UGGT2: variants seen among roughly 807,000 people sequenced by gnomAD.
UGGT2 encodes the protein UDP-glucose:glycoprotein glucosyltransferase 2.
A neutral mutation model predicts 192.1 loss-of-function variants in UGGT2; 180 were observed. That is an observed-to-expected ratio of 0.94 (90% CI 0.83 to 1.06). UGGT2 has a LOEUF of 1.06. Ranked by LOEUF, UGGT2 falls within the 50% of genes least tolerant of loss-of-function variation. The pLI is 0.00. For missense variants in UGGT2, 1,849 were observed against 1,795.7 expected, an observed-to-expected ratio of 1.03 and a Z score of -0.54; for synonymous variants, 580 against 591.0, an observed-to-expected ratio of 0.98 and a Z score of 0.27.
intron 17 of UGGT2, among the ~76,000 whole-genome samples, chr13:95,928,549 C>A (rs1345440295): frequency 1.3e-5 from 2 of 151,990 alleles, no homozygotes; most frequent in African/African-American, 4.8e-5. Context: ...CTCCTCAGTT[C>A]CCAGACGGGG....
At position 95,900,799 on chromosome 13, in the gene UGGT2, C is replaced by T. The variant is rs758415081; in HGVS notation, c.2634+8G>A. The T allele has an allele frequency of 6.2e-7, 1 of 1,602,304 alleles. No individual in the cohort carries two copies. Among genetic ancestry groups the T allele is most frequent in the South Asian group, 1.1e-5 (1 of 89,122 alleles). On this transcript the variant is annotated splice_region_variant and intron_variant, in intron 22 of 38. Coordinates refer to ENST00000376747, the MANE Select transcript of UGGT2 (RefSeq NM_020121.4). ...TGAGAAAAGAGAGCAATAGCTTTTTCTACTTACTCTCCCATTGCTGACAAT... is the reference window on the plus strand; with the variant it reads ...TGAGAAAAGAGAGCAATAGCTTTTTTTACTTACTCTCCCATTGCTGACAAT...
Position 95,859,485 on chromosome 13 carries a change from T to C in UGGT2, c.3825+106A>G. ...ACATAAAAATACTAAATACCATTTT[T>C]TCAAAAAGCTTATTCTGAAAAGAGA... On this transcript the variant is annotated intron_variant, in intron 33 of 38. Coordinates refer to ENST00000376747, the MANE Select transcript of UGGT2 (RefSeq NM_020121.4). 5.3e-6 allele frequency: 5 copies of C among 947,322 alleles called. No individual in the cohort carries two copies. The South Asian group carries it at 8.7e-5, about 16-fold the overall frequency. The allele number at this position is 947,322 out of a possible 1,614,324, so 58.7% of individuals were successfully genotyped here. A position where few individuals can be genotyped will look rare whatever the true frequency, so the allele number is the denominator to read the frequency against.
intron 12 of UGGT2, among the ~76,000 whole-genome samples, chr13:95,950,750 G>A (rs1018982040): frequency 1.1e-4 from 16 of 151,768 alleles, no homozygotes; most frequent in Admixed American, 7.9e-4. Context: ...AGATATTTAA[G>A]GTTTTTAAAA....
chr13:95,854,681 C>T (rs1889404505), intron 34 of UGGT2, among the ~76,000 whole-genome samples: 3 of 152,000 alleles, frequency 2.0e-5, no homozygotes, highest in Admixed American at 2.0e-4. Context: ...ATTTATATTC[C>T]TAGTCTTTAA....
At position 95,983,909 on chromosome 13, in the gene UGGT2, T is replaced by C. The variant is rs368893312; in HGVS notation, c.1032-45A>G. 8 of 1,364,188 alleles carry C rather than the reference T, an allele frequency of 5.9e-6. No homozygotes were observed. The African/African-American group carries it at 1.2e-4, about 20-fold the overall frequency. The allele number at this position is 1,364,188 out of a possible 1,614,324, so 84.5% of individuals were successfully genotyped here. On this transcript the variant is annotated intron_variant, in intron 9 of 38. Transcript: ENST00000376747. ...TATAATTGATCCTTCCTTAAATGTT[T>C]AGAACTGATCTATATAACCCAATGT...
In UGGT2 at chr13:96,010,990, G is replaced by A. The variant is rs558076785; in HGVS notation, c.660+2317C>T. On this transcript the variant is annotated intron_variant, in intron 5 of 38. Transcript: ENST00000376747. Reference sequence around the variant, plus strand: ...ATACAGTCAATTATATTTTACAAGTGGATAAAGGAAATTCAATGGAGAAGG... The same window carrying A: ...ATACAGTCAATTATATTTTACAAGTAGATAAAGGAAATTCAATGGAGAAGG... Among the ~76,000 whole-genome samples, 4 of 152,054 alleles carry A rather than the reference G, an allele frequency of 2.6e-5. 1 individual carries two copies. The highest frequency in any genetic ancestry group is 2.1e-4 in the South Asian group (1 of 4,812).
At chr13:95,925,563 C>A in intron 20 of UGGT2, 117 bp downstream of exon 20, 1 of 699,220 alleles carries the variant, frequency 1.4e-6, no homozygotes, top group Non-Finnish European at 2.1e-6. Flanking sequence ...TGAATTCCTT[C>A]GTCTACTTAA....
At chr13:95,835,318 C>T (rs1297533502) in intron 37 of UGGT2, among the ~76,000 whole-genome samples, 1 of 152,046 alleles carries the variant, frequency 6.6e-6, no homozygotes, top group African/African-American at 2.4e-5. Flanking sequence ...GAGTATGAAG[C>T]CACTGAATTT....
chr13:95,867,471 A>AATT, intron 29 of UGGT2, 48 bp from the exon 30 acceptor site: 1 of 1,445,320 alleles, frequency 6.9e-7, no homozygotes, highest in Non-Finnish European at 9.6e-7. Flanking sequence ...ATAGACATAC[A>AATT]ATTATGATGG....
At chr13:95,825,451 A>T (rs1010825407) in intron 38 of UGGT2, among the ~76,000 whole-genome samples, 6 of 152,008 alleles carry the variant, frequency 3.9e-5, no homozygotes, top group African/African-American at 1.4e-4. Context: ...CAACTCCCAG[A>T]CTCACTCTTA....
intron 21 of UGGT2, 34 bp from the exon 22 acceptor site, chr13:95,900,972 T>A (rs1310019725): frequency 1.4e-6 from 2 of 1,448,548 alleles, no homozygotes; most frequent in Admixed American, 2.4e-5. Context: ...GAAACTAATA[T>A]GAGAACAGTA....
intron 27 of UGGT2, among the ~76,000 whole-genome samples, chr13:95,882,923 A>T (rs917009528): frequency 6.6e-6 from 1 of 152,200 alleles, no homozygotes; most frequent in Non-Finnish European, 1.5e-5. Flanking sequence ...GAAGAATTCC[A>T]GACTCTATTA....
chr13:95,836,500 T>C (rs1252584209), intron 37 of UGGT2, among the ~76,000 whole-genome samples: 1 of 152,210 alleles, frequency 6.6e-6, no homozygotes, highest in Admixed American at 6.5e-5. Context: ...CATTCCTTTA[T>C]AAGAGTAACT....
rs1174538500 is a variant in UGGT2, at chr13:95,985,706, A to G, written c.1031+627T>C. ...TCCCTAACCAGAATACAATTGCATC[A>G]AAGTTGTGTTATATAGCAAATTCTC... On this transcript the variant is annotated intron_variant, in intron 9 of 38. Coordinates refer to ENST00000376747, the MANE Select transcript of UGGT2 (RefSeq NM_020121.4). Among the ~76,000 whole-genome samples, 7 of 152,312 alleles carry G rather than the reference A, an allele frequency of 4.6e-5. No individual in the cohort carries two copies. The East Asian group carries it at 1.3e-3, about 29-fold the overall frequency.
chr13:95,802,884 A>T (rs1162382231), intron 38 of UGGT2, among the ~76,000 whole-genome samples: 2 of 152,206 alleles, frequency 1.3e-5, no homozygotes, highest in African/African-American at 4.8e-5. Context: ...TCCAGGCTGG[A>T]GTGCAGTGGT....
At chr13:95,938,115 A>C (rs1467958721) in intron 16 of UGGT2, among the ~76,000 whole-genome samples, 2 of 152,136 alleles carry the variant, frequency 1.3e-5, no homozygotes, top group African/African-American at 4.8e-5. Context: ...CATGATTGTG[A>C]GGTTTCCCCA....
chr13:95,859,655 A>G lies in UGGT2; in HGVS notation c.3761T>C (p.Leu1254Ser), dbSNP rs912691427. Residue 1254 changes from leucine to serine, a missense_variant, in exon 33 of 39, where the codon TTG becomes TCG. Transcript: ENST00000376747. ...RFLRIMMLSV[L>S]RNTKTPVKFW... ...TTTCACTGGTGTTTTGGTGTTACGC[A>G]AAACAGAAAGCATCATAATTCTGTA... 4 of 1,609,448 alleles carry G rather than the reference A, an allele frequency of 2.5e-6. No homozygotes were observed. In the Admixed American group the frequency reaches 6.7e-5, roughly 27 times the overall value.
intron 4 of UGGT2, among the ~76,000 whole-genome samples, chr13:96,017,554 T>C (rs902642623): frequency 2.0e-5 from 3 of 152,204 alleles, no homozygotes; most frequent in Non-Finnish European, 4.4e-5. Flanking sequence ...TTCTTTATAG[T>C]AACACAAAAA....
chr13:96,038,629 C>A (rs748152647), intron 1 of UGGT2, among the ~76,000 whole-genome samples: 15 of 152,218 alleles, frequency 9.9e-5, no homozygotes, highest in Middle Eastern at 3.4e-3. Context: ...GAAATTTATT[C>A]TCTCATAGTT....
Sources: gnomAD v4.1 joint callset for allele counts (sites outside exome capture counted in the v4.1 genomes callset) on GRCh38, gnomAD v4.1.1 for gene constraint, MANE v1.5 for transcripts, NCBI Gene and HGNC (gene_info 2026-07-23, HGNC 2026-07-21) for gene names.